Variants in TSPAN15 observed in about 807,000 individuals in gnomAD.
TSPAN15 encodes tetraspanin-15.
A neutral mutation model predicts 34.5 loss-of-function variants in TSPAN15; 20 were observed. The ratio of observed to expected loss-of-function variants is 0.58; its 90% CI spans 0.41 to 0.84. TSPAN15 has a LOEUF of 0.84. Among genes scored for constraint, TSPAN15 ranks in the 40% least tolerant of loss-of-function variants. The probability of loss-of-function intolerance (pLI) is 0.00; values close to 1 mark genes in which losing one functional copy is unlikely to be tolerated. For missense variants in TSPAN15, 313 were observed against 386.1 expected (o/e 0.81, Z 1.59); for synonymous variants, 155 against 153.9 (o/e 1.01, Z -0.05).
At chr10:69,477,045 G>T (rs1356086903) in intron 1 of TSPAN15, among the ~76,000 whole-genome samples, 1 of 152,124 alleles carries the variant, frequency 6.6e-6, no homozygotes, top group Non-Finnish European at 1.5e-5. Flanking sequence ...GCTGCCCTGG[G>T]GATGTGGGAG....
intron 1 of TSPAN15, among the ~76,000 whole-genome samples, chr10:69,478,356 C>G (rs1181195361): frequency 6.6e-6 from 1 of 152,194 alleles, no homozygotes; most frequent in Non-Finnish European, 1.5e-5. Flanking sequence ...TCCCCACCCC[C>G]TTTCAAGCTA....
chr10:69,544,068 C>T, the TSPAN15 span, among the ~76,000 whole-genome samples: 1 of 152,042 alleles, frequency 6.6e-6, no homozygotes, highest in Non-Finnish European at 1.5e-5. Flanking sequence ...TCCAGGCAAT[C>T]AGGCTTCCTC....
the TSPAN15 span, among the ~76,000 whole-genome samples, chr10:69,528,586 C>G: frequency 0.56 from 82,831 of 147,852 alleles, 26,692 homozygotes; most frequent in African/African-American, 0.67. Context: ...CATTCAGTGG[C>G]TTTCAAGTTC....
At chr10:69,502,767 CAG>C (rs1842237258) in intron 5 of TSPAN15, among the ~76,000 whole-genome samples, 1 of 152,128 alleles carries the variant, frequency 6.6e-6, no homozygotes, top group Admixed American at 6.5e-5. Flanking sequence ...GCTCTGATGC[CAG>C]AGAGGCCTCT....
intron 1 of TSPAN15, among the ~76,000 whole-genome samples, chr10:69,455,590 C>CTCTTTCTT (rs749957203): frequency 1.2e-4 from 13 of 106,860 alleles, no homozygotes; most frequent in African/African-American, 4.8e-4. Flanking sequence ...TTCTTTCTTT[C>CTCTTTCTT]TCTTTCTTTC....
chr10:69,521,832 C>T, the TSPAN15 span, among the ~76,000 whole-genome samples: 8 of 147,302 alleles, frequency 5.4e-5, 2 homozygotes, highest in East Asian at 2.1e-3. Context: ...AGATGGCAGA[C>T]TGGGGACTTC....
At chr10:69,547,129 A>G in the TSPAN15 span, among the ~76,000 whole-genome samples, 1 of 152,026 alleles carries the variant, frequency 6.6e-6, no homozygotes, top group Non-Finnish European at 1.5e-5. Context: ...TTGAACCTAG[A>G]AGATGGAAGT....
At chr10:69,499,096 T>A (rs1842149359) in intron 5 of TSPAN15, among the ~76,000 whole-genome samples, 2 of 152,240 alleles carry the variant, frequency 1.3e-5, no homozygotes, top group African/African-American at 4.8e-5. Flanking sequence ...GGATGATGTC[T>A]TGTGTTGTCA....
chr10:69,492,863 G>A (rs554826018), intron 3 of TSPAN15, among the ~76,000 whole-genome samples: 1 of 152,192 alleles, frequency 6.6e-6, no homozygotes, highest in Non-Finnish European at 1.5e-5. Flanking sequence ...CAGTGGGCCC[G>A]GGTAGGTGCA....
At chr10:69,466,515 G>T (rs1368361435) in intron 1 of TSPAN15, among the ~76,000 whole-genome samples, 1 of 152,140 alleles carries the variant, frequency 6.6e-6, no homozygotes, top group East Asian at 1.9e-4. Context: ...TTGTGATTGT[G>T]TAGATCTTGA....
chr10:69,470,517 C>T (rs1243281522), intron 1 of TSPAN15, among the ~76,000 whole-genome samples: 1 of 152,214 alleles, frequency 6.6e-6, no homozygotes, highest in Non-Finnish European at 1.5e-5. Flanking sequence ...AGGCCACTGT[C>T]ACCTCACATT....
At chr10:69,481,095 G>A (rs1051142034) in intron 1 of TSPAN15, among the ~76,000 whole-genome samples, 14 of 152,178 alleles carry the variant, frequency 9.2e-5, no homozygotes, top group African/African-American at 3.4e-4. Context: ...TCTGGGTTTT[G>A]GAGCATGACT....
intron 1 of TSPAN15, among the ~76,000 whole-genome samples, chr10:69,475,085 G>C (rs1841588488): frequency 6.6e-6 from 1 of 152,200 alleles, no homozygotes; most frequent in East Asian, 1.9e-4. Context: ...AAGGTGGGGA[G>C]AGAGAGACAG....
intron 5 of TSPAN15, among the ~76,000 whole-genome samples, chr10:69,499,302 C>T (rs3793839): frequency 0.082 from 12,541 of 152,216 alleles, 588 homozygotes; most frequent in South Asian, 0.13. Flanking sequence ...GTGGGGGCCT[C>T]GCCCATGAGT....
At chr10:69,462,332 T>C (rs1234916760) in intron 1 of TSPAN15, among the ~76,000 whole-genome samples, 1 of 151,532 alleles carries the variant, frequency 6.6e-6, no homozygotes, top group Non-Finnish European at 1.5e-5. Context: ...TTATTTTATT[T>C]TTTAAGTTTA....
chr10:69,459,139 A>C (rs900325913), intron 1 of TSPAN15, among the ~76,000 whole-genome samples: 1 of 149,018 alleles, frequency 6.7e-6, no homozygotes, highest in Admixed American at 6.7e-5. Context: ...CAACAAAACA[A>C]CCTTTCCCAG....
chr10:69,526,541 C>T, the TSPAN15 span, among the ~76,000 whole-genome samples: 12 of 148,378 alleles, frequency 8.1e-5, 1 homozygote, highest in South Asian at 2.5e-3. Flanking sequence ...TGCCTGTAAT[C>T]CCAGCACTTC....
At chr10:69,518,680 C>A in the TSPAN15 span, among the ~76,000 whole-genome samples, 1 of 152,200 alleles carries the variant, frequency 6.6e-6, no homozygotes, top group Non-Finnish European at 1.5e-5. Context: ...CCTTGGCCTC[C>A]TAAAGTGCTG....
intron 1 of TSPAN15, among the ~76,000 whole-genome samples, chr10:69,475,258 G>A (rs1841592334): frequency 1.3e-5 from 2 of 152,250 alleles, no homozygotes; most frequent in South Asian, 4.1e-4. Flanking sequence ...TCCAGACTGG[G>A]ATCATCGCAG....
Sources: allele counts gnomAD v4.1 joint callset (sites outside exome capture counted in the v4.1 genomes callset), GRCh38; gene constraint gnomAD v4.1.1; transcripts MANE v1.5; gene names NCBI Gene and HGNC (gene_info 2026-07-23, HGNC 2026-07-21).